The following ZNF544 variants were observed in gnomAD, a reference collection of about 807,000 sequenced individuals.
ZNF544 encodes the protein zinc finger protein AF020591.
ZNF544 carries 10 observed loss-of-function variants against 13.5 expected under a neutral mutation model. The observed-to-expected ratio is 0.74, with a 90% confidence interval of 0.46 to 1.25. ZNF544 has a LOEUF of 1.25. ZNF544 is among the 50% of genes most tolerant of loss of function. The pLI is 0.00. For synonymous variants in ZNF544, 323 were observed against 300.5 expected (o/e 1.07, Z -0.77); for missense variants, 896 against 845.6 (o/e 1.06, Z -0.74).
intron 3 of ZNF544, among the ~76,000 whole-genome samples, chr19:58,231,286 C>T (rs2041169486): frequency 6.6e-6 from 1 of 152,190 alleles, no homozygotes; most frequent in Admixed American, 6.5e-5. Context: ...GGAGCTCCCA[C>T]CTTCTCACTC....
At chr19:58,248,284 T>C (rs977532791) in intron 6 of ZNF544, among the ~76,000 whole-genome samples, 2 of 148,194 alleles carry the variant, frequency 1.3e-5, no homozygotes, top group Non-Finnish European at 3.0e-5. Context: ...TTTTTTTTTT[T>C]TTTTTTTTGA....
chr19:58,242,329 A>G, intron 3 of ZNF544: 1 of 965,520 alleles, frequency 1.0e-6, no homozygotes, highest in Non-Finnish European at 1.2e-6. Flanking sequence ...CCTAAAAAAT[A>G]CAGCACAGAG....
At chr19:58,237,578 G>A (rs260480) in intron 3 of ZNF544, among the ~76,000 whole-genome samples, 35,819 of 152,158 alleles carry the variant, frequency 0.24, 5,017 homozygotes, top group East Asian at 0.63. Context: ...CCAGCGGTCC[G>A]AGGGGCCCTT....
Position 58,247,295 on chromosome 19 carries a change from C to T in ZNF544, c.244+501C>T, listed in dbSNP as rs775137880. ...TTGTTTTTTAAGACGGAGTTTCGCT[C>T]TTGTTGCCCAGACTGGAGTGCAATG... On this transcript the variant is annotated intron_variant, in intron 6 of 6. Coordinates refer to ENST00000687789, the MANE Select transcript of ZNF544 (RefSeq NM_014480.4). The T allele has an allele frequency of 2.0e-5, 3 of 153,654 alleles. No homozygotes were observed. The East Asian group carries it at 5.7e-4, about 29-fold the overall frequency. The allele number at this position is 153,654 out of a possible 1,614,324, so 9.5% of individuals were successfully genotyped here. A position where few individuals can be genotyped will look rare whatever the true frequency, so the allele number is the denominator to read the frequency against.
At chr19:58,273,510 G>A (rs949828156) in intron 5 of ZNF544, among the ~76,000 whole-genome samples, 31 of 151,770 alleles carry the variant, frequency 2.0e-4, no homozygotes, top group African/African-American at 6.8e-4. Flanking sequence ...CCAACAGGCC[G>A]AAACCCTGTC....
intron 3 of ZNF544, among the ~76,000 whole-genome samples, chr19:58,231,113 T>G (rs2041123519): frequency 6.6e-6 from 1 of 151,738 alleles, no homozygotes; most frequent in Non-Finnish European, 1.5e-5. Flanking sequence ...GTCAAGGGCA[T>G]AGGCAGATTG....
intron 5 of ZNF544, among the ~76,000 whole-genome samples, chr19:58,272,022 C>T (rs904094028): frequency 6.6e-6 from 1 of 151,874 alleles, no homozygotes; most frequent in South Asian, 2.1e-4. Flanking sequence ...ATTATCTGGG[C>T]GTGGTGGTGG....
At chr19:58,244,732 T>G (rs1473976307) in intron 4 of ZNF544, among the ~76,000 whole-genome samples, 1 of 151,952 alleles carries the variant, frequency 6.6e-6, no homozygotes, top group African/African-American at 2.4e-5. Flanking sequence ...TGCACCAGCA[T>G]GCTTGACTAA....
At chr19:58,245,885 A>C in intron 4 of ZNF544, 1 of 195,368 alleles carries the variant, frequency 5.1e-6, no homozygotes, top group Non-Finnish European at 1.1e-5. Context: ...ATGCCCAGAA[A>C]AGGAATGGTA....
chr19:58,276,498 C>A (rs909498894), intron 6 of ZNF544: 3 of 999,144 alleles, frequency 3.0e-6, no homozygotes. Context: ...GATGGAGTCT[C>A]ACTCTGTCGC....
At chr19:58,260,429 A>C (rs1231299833) in intron 6 of ZNF544, 2 of 152,480 alleles carry the variant, frequency 1.3e-5, no homozygotes, top group Non-Finnish European at 2.9e-5. Context: ...GGCGCCCACC[A>C]CCACACCTGG....
At chr19:58,251,962 T>C (rs1023535836) in intron 6 of ZNF544, among the ~76,000 whole-genome samples, 2 of 152,224 alleles carry the variant, frequency 1.3e-5, no homozygotes, top group African/African-American at 4.8e-5. Context: ...CTTTGGAGGC[T>C]TTGAGGTAAC....
chr19:58,253,762 A>C (rs2046712184), intron 6 of ZNF544, among the ~76,000 whole-genome samples: 2 of 152,190 alleles, frequency 1.3e-5, no homozygotes, highest in African/African-American at 2.4e-5. Flanking sequence ...TTTGTCAAAG[A>C]AAGCATACAA....
In ZNF544 at chr19:58,246,711, G is replaced by T. The variant is rs1236063706; in HGVS notation, c.161G>T (p.Gly54Val). The T allele has an allele frequency of 1.6e-5, 26 of 1,614,088 alleles. No homozygotes were observed. Among genetic ancestry groups the T allele is most frequent in the Non-Finnish European group, 2.1e-5 (25 of 1,179,978 alleles). The stretch of plus-strand genomic sequence containing the variant: ...AAGTCCTTTTTCCGTCTTTGACCAG[G>T]GCTTTTCCTTTCCAAATCTGATGTG... ...LETWEHIVSL[G>V]LFLSKSDVIS... The change falls in exon 6 of 7, where the codon GGG (glycine) becomes GTG (valine). Residue 54 changes from glycine (G) to valine (V), a missense_variant and splice_region_variant. Coordinates refer to ENST00000687789, the MANE Select transcript of ZNF544 (RefSeq NM_014480.4).
chr19:58,277,396 A>C (rs1447194220), exon 7 of ZNF544: 1 of 502,544 alleles, frequency 2.0e-6, no homozygotes, highest in Non-Finnish European at 3.1e-6. Flanking sequence ...TCAGTCCCTC[A>C]GACTACACCA....
At chr19:58,258,296 A>G (rs945324149) in intron 6 of ZNF544, 5 of 152,414 alleles carry the variant, frequency 3.3e-5, no homozygotes, top group South Asian at 2.1e-4. Context: ...TTTTGAAAAC[A>G]TCCTCCCATG....
At chr19:58,238,864 G>GT (rs1296029904) in intron 3 of ZNF544, among the ~76,000 whole-genome samples, 1 of 145,630 alleles carries the variant, frequency 6.9e-6, no homozygotes, top group African/African-American at 2.6e-5. Context: ...CTAAGTCACG[G>GT]TAAAAAAAAA....
intron 3 of ZNF544, among the ~76,000 whole-genome samples, chr19:58,237,427 G>A (rs1373184657): frequency 1.3e-5 from 2 of 152,168 alleles, no homozygotes; most frequent in South Asian, 2.1e-4. Flanking sequence ...ACACTGAGCC[G>A]CTCCAGGCCG....
At position 58,261,989 on chromosome 19, in the gene ZNF544, G is replaced by A; in HGVS notation, c.1383G>A (p.Glu461=). The change falls in exon 7 of 7, where the codon GAG becomes GAA. Residue 461 remains glutamate, a synonymous_variant. Transcript: ENST00000687789. ...LIVHQRIHTG[E]KPYECTHCGK... Reference sequence around the variant, plus strand: ...TACATCAGAGAATTCATACTGGAGAGAAACCGTATGAGTGCACTCACTGTG... The same window carrying A: ...TACATCAGAGAATTCATACTGGAGAAAAACCGTATGAGTGCACTCACTGTG... 1 of 1,613,896 alleles carries A rather than the reference G, an allele frequency of 6.2e-7. No individual in the cohort carries two copies. Among genetic ancestry groups the A allele is most frequent in the South Asian group, 1.1e-5 (1 of 91,082 alleles).
Sources: gnomAD v4.1 joint callset for allele counts (sites outside exome capture counted in the v4.1 genomes callset) on GRCh38, gnomAD v4.1.1 for gene constraint, MANE v1.5 for transcripts, NCBI Gene and HGNC (gene_info 2026-07-23, HGNC 2026-07-21) for gene names.